KCNH7: variants seen among roughly 807,000 people sequenced by gnomAD.
The protein encoded by KCNH7 is voltage-gated inwardly rectifying potassium channel KCNH7.
KCNH7 carries 49 observed loss-of-function variants against 120.8 expected under a neutral mutation model. The observed-to-expected ratio is 0.41, with a 90% CI of 0.32 to 0.51. The LOEUF is 0.51. Ranked by LOEUF, KCNH7 falls within the 20% of genes least tolerant of loss-of-function variation. KCNH7 has a pLI of 0.38. For missense variants in KCNH7, 1,097 were observed against 1,446.6 expected, an observed-to-expected ratio of 0.76 and a Z score of 3.92; for synonymous variants, 547 against 516.1, an observed-to-expected ratio of 1.06 and a Z score of -0.81.
At chr2:162,770,563 A>G (rs1341380331) in intron 2 of KCNH7, among the ~76,000 whole-genome samples, 3 of 152,012 alleles carry the variant, frequency 2.0e-5, no homozygotes, top group Non-Finnish European at 4.4e-5. Flanking sequence ...CGTCTTTGAG[A>G]TAACGGCTTT....
intron 2 of KCNH7, among the ~76,000 whole-genome samples, chr2:162,539,942 T>A (rs1440818036): frequency 2.6e-5 from 4 of 152,096 alleles, no homozygotes; most frequent in Non-Finnish European, 4.4e-5. Context: ...TTCTACAAAC[T>A]CCAACTAAGT....
At chr2:162,456,131 G>T (rs1357816866) in intron 6 of KCNH7, among the ~76,000 whole-genome samples, 2 of 151,948 alleles carry the variant, frequency 1.3e-5, no homozygotes, top group Non-Finnish European at 2.9e-5. Flanking sequence ...ATTCTGGTAT[G>T]TTGTCTCTTT....
chr2:162,489,387 C>CA (rs1393139241), intron 6 of KCNH7, among the ~76,000 whole-genome samples: 5 of 151,774 alleles, frequency 3.3e-5, no homozygotes, highest in Non-Finnish European at 7.4e-5. Flanking sequence ...AAAAAAAATG[C>CA]AAAAAAATCT....
At chr2:162,571,714 C>G (rs1574117664) in intron 2 of KCNH7, among the ~76,000 whole-genome samples, 1 of 134,482 alleles carries the variant, frequency 7.4e-6, no homozygotes, top group African/African-American at 3.0e-5. Flanking sequence ...ATCAATGGAA[C>G]AGAACAGAGC....
At chr2:162,663,601 T>C (rs998391698) in intron 2 of KCNH7, among the ~76,000 whole-genome samples, 6 of 152,162 alleles carry the variant, frequency 3.9e-5, no homozygotes, top group Admixed American at 2.6e-4. Flanking sequence ...AATAAAATGA[T>C]CAGCTGTCAA....
chr2:162,445,960 T>TC, intron 7 of KCNH7, 58 bp downstream of exon 7: 1 of 1,348,302 alleles, frequency 7.4e-7, no homozygotes, highest in Non-Finnish European at 1.0e-6. Flanking sequence ...GCAGTTAAAA[T>TC]AGATTCACTT....
intron 2 of KCNH7, among the ~76,000 whole-genome samples, chr2:162,770,652 G>A (rs993349963): frequency 5.9e-5 from 9 of 151,642 alleles, no homozygotes; most frequent in African/African-American, 2.2e-4. Context: ...TACACATTAT[G>A]AGAAAGTAAT....
At chr2:162,570,508 T>C (rs1019884501) in intron 2 of KCNH7, among the ~76,000 whole-genome samples, 2 of 152,088 alleles carry the variant, frequency 1.3e-5, no homozygotes, top group Non-Finnish European at 2.9e-5. Context: ...TGTCTTTTAA[T>C]TGGAGCATTT....
chr2:162,791,014 G>T (rs949220938), intron 2 of KCNH7, among the ~76,000 whole-genome samples: 2 of 152,078 alleles, frequency 1.3e-5, no homozygotes, highest in African/African-American at 4.8e-5. Context: ...TTCATTTGAA[G>T]GGAAGAAGTT....
At chr2:162,527,220 A>T (rs1271984865) in intron 3 of KCNH7, among the ~76,000 whole-genome samples, 1 of 151,974 alleles carries the variant, frequency 6.6e-6, no homozygotes, top group African/African-American at 2.4e-5. Context: ...TTCTATGTCA[A>T]ATTTAATCTT....
At chr2:162,381,298 T>G (rs1158644700) in intron 13 of KCNH7, among the ~76,000 whole-genome samples, 5 of 152,126 alleles carry the variant, frequency 3.3e-5, no homozygotes, top group Non-Finnish European at 5.9e-5. Flanking sequence ...TCTTGGCTAT[T>G]TTAAAAAATT....
intron 2 of KCNH7, among the ~76,000 whole-genome samples, chr2:162,607,439 G>A (rs1682820167): frequency 6.6e-6 from 1 of 151,654 alleles, no homozygotes; most frequent in Non-Finnish European, 1.5e-5. Context: ...TATGAATAGT[G>A]ATTATTTGTT....
At chr2:162,644,918 GA>G (rs1358248470) in intron 2 of KCNH7, among the ~76,000 whole-genome samples, 1 of 152,016 alleles carries the variant, frequency 6.6e-6, no homozygotes, top group Non-Finnish European at 1.5e-5. Context: ...TTTGACCTTA[GA>G]AAATAACGAT....
intron 6 of KCNH7, among the ~76,000 whole-genome samples, chr2:162,485,036 A>G (rs1400130443): frequency 6.6e-6 from 1 of 152,220 alleles, no homozygotes; most frequent in African/African-American, 2.4e-5. Flanking sequence ...ATGAAAAGAA[A>G]ACAGGAACTA....
At chr2:162,671,973 G>T (rs1048078932) in intron 2 of KCNH7, among the ~76,000 whole-genome samples, 1 of 151,800 alleles carries the variant, frequency 6.6e-6, no homozygotes, top group African/African-American at 2.4e-5. Context: ...TAAACATAAA[G>T]CAGAAATTTA....
In KCNH7 at chr2:162,396,541, A is replaced by G. The variant is rs571541841; in HGVS notation, c.2613+199T>C. Reference sequence around the variant, plus strand: ...TAATTGAACTACTTGAAATTATTCAACGTATTGGAAAGCAATTAGGCTAAA... The same window carrying G: ...TAATTGAACTACTTGAAATTATTCAGCGTATTGGAAAGCAATTAGGCTAAA... On this transcript the variant is annotated intron_variant, in intron 11 of 15. Transcript: ENST00000332142. Among the ~76,000 whole-genome samples, 24 of 151,968 alleles carry G rather than the reference A, an allele frequency of 1.6e-4. No homozygotes were observed. In the South Asian group the frequency reaches 5.0e-3, roughly 32 times the overall value.
intron 6 of KCNH7, among the ~76,000 whole-genome samples, chr2:162,473,132 A>G (rs965352695): frequency 2.0e-5 from 3 of 152,098 alleles, no homozygotes; most frequent in African/African-American, 7.2e-5. Context: ...ATGATGAGTT[A>G]ATGGGTGCAG....
rs529072703 is a variant in KCNH7, at chr2:162,433,294, A to C, written c.1954+1904T>G. On this transcript the variant is annotated intron_variant, in intron 8 of 15. Transcript: ENST00000332142. ...GAAAAAACGATTATGAAATTTATAG[A>C]AAGTGAAACAGAGCCTGAATAGTCA... Among the ~76,000 whole-genome samples the C allele has an allele frequency of 4.0e-4, 61 of 152,100 alleles. 1 individual carries two copies. The South Asian group carries it at 8.1e-3, about 20-fold the overall frequency.
At chr2:162,409,198 A>G (rs1334868520) in intron 9 of KCNH7, among the ~76,000 whole-genome samples, 1 of 151,878 alleles carries the variant, frequency 6.6e-6, no homozygotes, top group African/African-American at 2.4e-5. Context: ...GATCTGCTGA[A>G]GGAAAGAAGA....
Sources: gnomAD v4.1 joint callset for allele counts (sites outside exome capture counted in the v4.1 genomes callset) on GRCh38, gnomAD v4.1.1 for gene constraint, MANE v1.5 for transcripts, NCBI Gene and HGNC (gene_info 2026-07-23, HGNC 2026-07-21) for gene names.